The following ALMS1 variants were observed in gnomAD, a reference collection of about 807,000 sequenced individuals.
The protein encoded by ALMS1 is centrosome-associated protein ALMS1.
A neutral mutation model predicts 352.2 loss-of-function variants in ALMS1; 271 were observed. The observed-to-expected ratio is 0.77, with a 90% CI of 0.70 to 0.85. The LOEUF is 0.85. Ranked by LOEUF, ALMS1 falls within the 40% of genes least tolerant of loss-of-function variation. The pLI is 0.00. For missense variants in ALMS1, 5,445 were observed against 4,870.7 expected, an observed-to-expected ratio of 1.12 and a Z score of -3.51; for synonymous variants, 1,865 against 1,761.2, an observed-to-expected ratio of 1.06 and a Z score of -1.48.
At chr2:73,521,921 GT>G (rs995261710) in intron 11 of ALMS1, among the ~76,000 whole-genome samples, 1 of 151,562 alleles carries the variant, frequency 6.6e-6, no homozygotes, top group East Asian at 1.9e-4. Context: ...TTTATGAGGT[GT>G]TTTTTTTTGT....
chr2:73,430,538 A>G (rs1671478827), intron 6 of ALMS1, among the ~76,000 whole-genome samples: 1 of 152,220 alleles, frequency 6.6e-6, no homozygotes, highest in African/African-American at 2.4e-5. Context: ...GTGTCTATAT[A>G]TTATATATGG....
At chr2:73,541,077 C>T (rs903551523) in intron 12 of ALMS1, among the ~76,000 whole-genome samples, 1 of 152,236 alleles carries the variant, frequency 6.6e-6, no homozygotes, top group African/African-American at 2.4e-5. Flanking sequence ...ACAGTCTTCT[C>T]AGTACCATAC....
intron 12 of ALMS1, 54 bp from the exon 13 acceptor site, chr2:73,550,213 T>C (rs1674400282): frequency 2.5e-6 from 4 of 1,603,966 alleles, no homozygotes; most frequent in Non-Finnish European, 3.4e-6. Context: ...AAAAAGTCTT[T>C]CTCAATCTCA....
At chr2:73,497,682 C>T (rs1013798131) in intron 10 of ALMS1, among the ~76,000 whole-genome samples, 1 of 152,046 alleles carries the variant, frequency 6.6e-6, no homozygotes, top group African/African-American at 2.4e-5. Flanking sequence ...AGAATAATGG[C>T]CTCCAGCTCC....
rs1215068896 is a variant in ALMS1 at position 73,450,691 on chromosome 2, G to A, written c.4164G>A (p.Pro1388=). The change falls in exon 8 of 23, where the codon CCG becomes CCA. Residue 1388 remains proline (P), a synonymous_variant. Transcript: ENST00000613296. ...CTTACTCACAACATACAGAGAAGCC[G>A]AGTATTTTCTACCAACAGTCGTTGC... ...STSYSQHTEK[P]SIFYQQSLPG... 2.5e-6 allele frequency: 4 copies of A among 1,607,296 alleles called. No homozygotes were observed. Among genetic ancestry groups the A allele is most frequent in the African/African-American group, 1.4e-5 (1 of 72,862 alleles).
chr2:73,461,829 G>A (rs1572944899), intron 9 of ALMS1, among the ~76,000 whole-genome samples: 1 of 152,138 alleles, frequency 6.6e-6, no homozygotes, highest in Admixed American at 6.5e-5. Flanking sequence ...AGGAGCTGAT[G>A]CGATCAACTG....
intron 15 of ALMS1, among the ~76,000 whole-genome samples, chr2:73,570,124 C>T (rs1674893559): frequency 6.6e-6 from 1 of 152,168 alleles, no homozygotes; most frequent in South Asian, 2.1e-4. Context: ...TCAAGAATAA[C>T]TCCCAGATTT....
At position 73,448,754 on chromosome 2, in the gene ALMS1, G is replaced by C. The variant is rs1046271130; in HGVS notation, c.2227G>C (p.Val743Leu). 26 of 1,605,048 alleles carry C rather than the reference G, an allele frequency of 1.6e-5. No individual in the cohort carries two copies. The highest frequency in any genetic ancestry group is 2.0e-5 in the Non-Finnish European group (24 of 1,174,002). ...SHQTEETLTK[V>L]SATPGPADQK... ...TCAAACTGAAGAGACTCTTACTAAA[G>C]TTTCAGCCACTCCTGGACCAGCTGA... Residue 743 changes from valine to leucine, a missense_variant, in exon 8 of 23, where the codon GTT (valine) becomes CTT (leucine). Val to Leu is a conservative substitution (Grantham distance 32). Transcript: ENST00000613296.
chr2:73,432,438 C>T (rs1671519013), intron 7 of ALMS1, 147 bp downstream of exon 7: 1 of 605,686 alleles, frequency 1.7e-6, no homozygotes, highest in Non-Finnish European at 2.9e-6. Context: ...GTCTTAGTCT[C>T]TTTAGACTGC....
chr2:73,417,719 A>G lies in ALMS1; in HGVS notation c.451-1404A>G, dbSNP rs928580382. Among the ~76,000 whole-genome samples, 4 of 152,180 alleles carry G rather than the reference A, an allele frequency of 2.6e-5. No homozygotes were observed. The East Asian group carries it at 5.8e-4, about 22-fold the overall frequency. The stretch of plus-strand genomic sequence containing the variant: ...TTATCAGGTTTAATTGGGGAAAATG[A>G]TGCTATAACATAGTTTGAGCTAATT... On this transcript the variant is annotated intron_variant, in intron 2 of 22. Coordinates refer to ENST00000613296, the MANE Select transcript of ALMS1 (RefSeq NM_001378454.1).
intron 21 of ALMS1, 39 bp from the exon 22 acceptor site, chr2:73,608,436 C>T (rs763615152): frequency 1.3e-6 from 2 of 1,539,138 alleles, no homozygotes; most frequent in East Asian, 4.5e-5. Context: ...CCCTGGTAAC[C>T]TCCCCGATTT....
chr2:73,533,201 A>C (rs955237085), intron 11 of ALMS1, among the ~76,000 whole-genome samples: 3 of 152,206 alleles, frequency 2.0e-5, no homozygotes, highest in Non-Finnish European at 4.4e-5. Flanking sequence ...GAGTGGTGCA[A>C]GTGCTTCCCT....
At chr2:73,474,385 G>C (rs528161032) in intron 9 of ALMS1, among the ~76,000 whole-genome samples, 698 of 46,092 alleles carry the variant, frequency 0.015, 11 homozygotes, top group African/African-American at 0.044. Flanking sequence ...GTGTGTGTGT[G>C]TGTGTGTGTG....
intron 1 of ALMS1, among the ~76,000 whole-genome samples, chr2:73,402,005 C>A (rs563270655): frequency 2.6e-5 from 4 of 150,974 alleles, no homozygotes; most frequent in African/African-American, 9.8e-5. Context: ...CTCCCCCTTC[C>A]CCTCCTCGTG....
At chr2:73,460,731 C>T (rs1359920072) in intron 9 of ALMS1, among the ~76,000 whole-genome samples, 3 of 152,248 alleles carry the variant, frequency 2.0e-5, no homozygotes, top group Non-Finnish European at 4.4e-5. Flanking sequence ...AATCGCATCA[C>T]TCCCACACTA....
At chr2:73,436,138 A>C (rs181267935) in intron 7 of ALMS1, among the ~76,000 whole-genome samples, 14 of 152,126 alleles carry the variant, frequency 9.2e-5, no homozygotes, top group Admixed American at 9.2e-4. Flanking sequence ...TTTTTGAAAG[A>C]TAGTTTTGCT....
chr2:73,543,145 A>G (rs188832749), intron 12 of ALMS1, among the ~76,000 whole-genome samples: 9 of 152,236 alleles, frequency 5.9e-5, no homozygotes, highest in South Asian at 2.1e-4. Context: ...CCAAAACAGC[A>G]TGGTACTGGT....
chr2:73,602,375 C>T lies in ALMS1; in HGVS notation c.12298+7C>T, dbSNP rs1252100215. The T allele has an allele frequency of 1.2e-6, 2 of 1,613,916 alleles. No homozygotes were observed. Among genetic ancestry groups the T allele is most frequent in the African/African-American group, 2.7e-5 (2 of 74,928 alleles). ...TGCCCGCTGCCCAAGAGAGGTACGCCCTGCCCGTTCACTTTCCTGTGAGTG... is the reference window on the plus strand; with the variant it reads ...TGCCCGCTGCCCAAGAGAGGTACGCTCTGCCCGTTCACTTTCCTGTGAGTG... On this transcript the variant is annotated splice_region_variant and intron_variant, in intron 20 of 22. Coordinates refer to ENST00000613296, the MANE Select transcript of ALMS1 (RefSeq NM_001378454.1).
chr2:73,481,314 C>T (rs1371878336), intron 9 of ALMS1, among the ~76,000 whole-genome samples: 2 of 152,150 alleles, frequency 1.3e-5, no homozygotes, highest in East Asian at 1.9e-4. Context: ...GTTTTCCCAG[C>T]ACCATTTATT....
Sources: gnomAD v4.1 joint callset for allele counts (sites outside exome capture counted in the v4.1 genomes callset) on GRCh38, gnomAD v4.1.1 for gene constraint, MANE v1.5 for transcripts, NCBI Gene and HGNC (gene_info 2026-07-23, HGNC 2026-07-21) for gene names.